Variants in CCSER2 observed in about 807,000 individuals in gnomAD.
The protein encoded by CCSER2 is serine-rich coiled-coil domain-containing protein 2.
In CCSER2, 46 loss-of-function variants were observed where a neutral mutation model predicts 92.3. The observed-to-expected ratio is 0.50, with a 90% CI of 0.39 to 0.64. CCSER2 has a LOEUF of 0.64. Among genes scored for constraint, CCSER2 ranks in the 30% least tolerant of loss-of-function variants. The pLI, the probability that CCSER2 is intolerant of heterozygous loss-of-function variation, is 0.00. For synonymous variants in CCSER2, 433 were observed against 431.4 expected, an observed-to-expected ratio of 1.00 and a Z score of -0.04; for missense variants, 1,244 against 1,238.9, an observed-to-expected ratio of 1.00 and a Z score of -0.06.
chr10:84,372,372 A>G lies in CCSER2; in HGVS notation c.1320A>G (p.Lys440=), dbSNP rs1365548184. 6.2e-7 allele frequency: 1 copy of G among 1,612,556 alleles called. No individual in the cohort carries two copies. The highest frequency in any genetic ancestry group is 1.7e-5 in the Admixed American group (1 of 59,790). Residue 440 remains lysine, a synonymous_variant, in exon 2 of 10, where the codon AAA becomes AAG. Coordinates refer to ENST00000372088, the MANE Select transcript of CCSER2 (RefSeq NM_001284240.2). ...TPEEMSLKEE[K]HENGPPQDMF... ...AGGAAATGTCTCTCAAAGAAGAGAA[A>G]CATGAAAATGGGCCACCACAGGATA...
intron 3 of CCSER2, among the ~76,000 whole-genome samples, 200 bp from the exon 4 acceptor site, chr10:84,417,571 C>T (rs1424316555): frequency 6.6e-6 from 1 of 152,072 alleles, no homozygotes; most frequent in Non-Finnish European, 1.5e-5. Context: ...AGGAGGAAGA[C>T]TAGGAGAAGG....
chr10:84,483,298 C>G (rs980121336), intron 9 of CCSER2, among the ~76,000 whole-genome samples: 2 of 151,058 alleles, frequency 1.3e-5, no homozygotes, highest in Non-Finnish European at 2.9e-5. Context: ...GAGGCTGAGG[C>G]AGGAGAATCA....
intron 6 of CCSER2, among the ~76,000 whole-genome samples, chr10:84,441,793 G>T (rs1404441283): frequency 8.5e-6 from 1 of 117,890 alleles, no homozygotes; most frequent in African/African-American, 3.4e-5. Context: ...AAGTCTCGCT[G>T]TCTCTCAGGC....
At position 84,514,159 on chromosome 10, in the gene CCSER2, A is replaced by C. The variant is rs183753803; in HGVS notation, c.3036A>C (p.Pro1012=). Residue 1012 remains proline (P), a synonymous_variant, in exon 10 of 10, where the codon CCA becomes CCC. Coordinates refer to ENST00000372088, the MANE Select transcript of CCSER2 (RefSeq NM_001284240.2). ...AGGCCAAGACAAGCATCCCAAGGCC[A>C]CTAACACAACGAAAAGAAATCATGC... ...SFQAKTSIPR[P]LTQRKEIMQN... is the part of the protein sequence containing the mutation. The C allele has an allele frequency of 9.2e-4, 1,406 of 1,536,400 alleles. No individual in the cohort carries two copies. The highest frequency in any genetic ancestry group is 1.7e-3 in the Admixed American group (86 of 51,000).
intron 1 of CCSER2, among the ~76,000 whole-genome samples, chr10:84,367,856 C>A (rs780565846): frequency 2.6e-5 from 4 of 152,038 alleles, no homozygotes; most frequent in Admixed American, 6.6e-5. Flanking sequence ...TTCTGTGTTA[C>A]AAGAAACTGT....
chr10:84,427,927 C>T (rs904214845), intron 5 of CCSER2, among the ~76,000 whole-genome samples: 1 of 152,158 alleles, frequency 6.6e-6, no homozygotes, highest in Non-Finnish European at 1.5e-5. Context: ...TTTTTGTCCT[C>T]ATTTCTCATT....
At chr10:84,415,224 A>G (rs1481928313) in intron 3 of CCSER2, among the ~76,000 whole-genome samples, 1 of 151,942 alleles carries the variant, frequency 6.6e-6, no homozygotes, top group African/African-American at 2.4e-5. Flanking sequence ...GAGATGAGGC[A>G]CTCTGGCCTT....
chr10:84,457,300 T>TA (rs575041525), intron 6 of CCSER2, among the ~76,000 whole-genome samples: 6 of 63,510 alleles, frequency 9.4e-5, no homozygotes, highest in Non-Finnish European at 1.7e-4. Flanking sequence ...ATATTATATA[T>TA]AATATGTTAT....
intron 2 of CCSER2, 41 bp downstream of exon 2, chr10:84,372,510 A>G (rs1250920988): frequency 1.8e-6 from 2 of 1,114,972 alleles, no homozygotes. Flanking sequence ...TTTCTTTTAA[A>G]TAATATAACT....
At position 84,363,291 on chromosome 10, in the gene CCSER2, G is replaced by T. The variant is rs374433411; in HGVS notation, c.-39-7723G>T. On this transcript the variant is annotated intron_variant, in intron 1 of 9. Transcript: ENST00000372088. ...TTACAGGTGTGAGCCACCACGCCTGGCCACTTATTTAATTGCTATAATCAA... is the reference window on the plus strand; with the variant it reads ...TTACAGGTGTGAGCCACCACGCCTGTCCACTTATTTAATTGCTATAATCAA... Among the ~76,000 whole-genome samples, 4 of 151,992 alleles carry T rather than the reference G, an allele frequency of 2.6e-5. No homozygotes were observed. The East Asian group carries it at 7.7e-4, about 29-fold the overall frequency.
chr10:84,382,751 A>G (rs1564617312), intron 3 of CCSER2, among the ~76,000 whole-genome samples: 1 of 152,176 alleles, frequency 6.6e-6, no homozygotes, highest in Non-Finnish European at 1.5e-5. Flanking sequence ...ATCATCACTG[A>G]AAGTATCTGG....
chr10:84,443,461 T>G (rs559100309), intron 6 of CCSER2, among the ~76,000 whole-genome samples: 2 of 152,294 alleles, frequency 1.3e-5, no homozygotes, highest in South Asian at 4.1e-4. Flanking sequence ...TCATGCCAGT[T>G]AAAATGGCGA....
chr10:84,339,981 A>G (rs904415208), intron 1 of CCSER2, among the ~76,000 whole-genome samples: 2 of 152,054 alleles, frequency 1.3e-5, no homozygotes, highest in South Asian at 4.1e-4. Context: ...AGCTGGGATT[A>G]CAGGTGCATG....
chr10:84,343,722 G>A (rs529826211), intron 1 of CCSER2, among the ~76,000 whole-genome samples: 13 of 152,290 alleles, frequency 8.5e-5, no homozygotes, highest in Non-Finnish European at 1.6e-4. Flanking sequence ...AAGAAAAGTT[G>A]TATGGAAACG....
chr10:84,489,415 G>GTATTC (rs1848010731), intron 9 of CCSER2, among the ~76,000 whole-genome samples: 1 of 152,054 alleles, frequency 6.6e-6, no homozygotes, highest in African/African-American at 2.4e-5. Context: ...TATGAATCTG[G>GTATTC]GTGCTCCTGT....
intron 4 of CCSER2, among the ~76,000 whole-genome samples, chr10:84,422,905 A>G (rs1162368377): frequency 6.6e-6 from 1 of 152,114 alleles, no homozygotes; most frequent in Admixed American, 6.5e-5. Context: ...AACAGAAAAA[A>G]TTAGCCAGGC....
intron 1 of CCSER2, among the ~76,000 whole-genome samples, chr10:84,334,391 A>T (rs1843725156): frequency 2.0e-5 from 3 of 152,080 alleles, no homozygotes; most frequent in Non-Finnish European, 2.9e-5. Flanking sequence ...TTTTAAGTGA[A>T]TTGACCAATC....
At chr10:84,393,895 T>C (rs1841672064) in intron 3 of CCSER2, 1 of 152,154 alleles carries the variant, frequency 6.6e-6, no homozygotes, top group Non-Finnish European at 1.5e-5. Flanking sequence ...GTTGAGATGG[T>C]CCTAATGTAG....
At chr10:84,348,519 C>T (rs1052704713) in intron 1 of CCSER2, among the ~76,000 whole-genome samples, 1 of 151,672 alleles carries the variant, frequency 6.6e-6, no homozygotes, top group Non-Finnish European at 1.5e-5. Flanking sequence ...AGGGCAAGGG[C>T]GAGGGCGAGG....
Sources: gnomAD v4.1 joint callset for allele counts (sites outside exome capture counted in the v4.1 genomes callset) on GRCh38, gnomAD v4.1.1 for gene constraint, MANE v1.5 for transcripts, NCBI Gene and HGNC (gene_info 2026-07-23, HGNC 2026-07-21) for gene names.